Variants in DMXL1 observed in about 807,000 individuals in gnomAD.
The protein encoded by DMXL1 is dmX-like protein 1.
In DMXL1, 99 loss-of-function variants were observed where a neutral mutation model predicts 319.2. That is an observed-to-expected ratio of 0.31 (90% CI 0.26 to 0.37). The LOEUF (loss-of-function observed/expected upper bound fraction) is 0.37, where lower values mean the gene tolerates loss of function less well. Ranked by LOEUF, DMXL1 falls within the 10% of genes least tolerant of loss-of-function variation. The pLI is 1.00. For missense variants in DMXL1, 3,745 were observed against 3,595.6 expected, an observed-to-expected ratio of 1.04 and a Z score of -1.06; for synonymous variants, 1,385 against 1,235.2, an observed-to-expected ratio of 1.12 and a Z score of -2.54.
chr5:119,157,269 G>A (rs747983218), intron 19 of DMXL1, among the ~76,000 whole-genome samples: 12 of 152,080 alleles, frequency 7.9e-5, no homozygotes, highest in Non-Finnish European at 1.3e-4. Flanking sequence ...CCCAATCCAC[G>A]GCTTTTCTCT....
intron 32 of DMXL1, among the ~76,000 whole-genome samples, chr5:119,199,515 G>T (rs1327531803): frequency 4.6e-5 from 7 of 152,120 alleles, no homozygotes; most frequent in African/African-American, 2.4e-5. Flanking sequence ...GAATAATGCT[G>T]CAGCGAACAC....
intron 28 of DMXL1, among the ~76,000 whole-genome samples, chr5:119,187,076 TAAAAA>T: frequency 6.8e-6 from 1 of 147,068 alleles, no homozygotes; most frequent in East Asian, 2.0e-4. Flanking sequence ...AAGTATAATT[TAAAAA>T]AAAAAAAGTG....
At position 119,134,014 on chromosome 5, in the gene DMXL1, A is replaced by T; in HGVS notation, c.2090A>T (p.Asp697Val). ...NKSTVDVAFQ[D>V]PSAVYSELIL... ...AGCACTGTTGACGTGGCATTTCAGG[A>T]TCCCAGTGCAGTTTACAGTGAGCTT... Residue 697 changes from aspartate (D) to valine (V), a missense_variant, in exon 12 of 44, where the codon GAT (aspartate) becomes GTT (valine). Transcript: ENST00000539542. 6.2e-7 allele frequency: 1 copy of T among 1,614,158 alleles called. No homozygotes were observed. The highest frequency in any genetic ancestry group is 1.3e-5 in the African/African-American group (1 of 75,034).
chr5:119,183,636 C>T (rs1777172326), intron 28 of DMXL1, among the ~76,000 whole-genome samples: 3 of 152,000 alleles, frequency 2.0e-5, no homozygotes, highest in Admixed American at 6.5e-5. Context: ...CCACACCTGG[C>T]TAATTTTTGT....
chr5:119,229,405 A>T (rs1357324366), intron 38 of DMXL1, among the ~76,000 whole-genome samples: 1 of 152,194 alleles, frequency 6.6e-6, no homozygotes, highest in Non-Finnish European at 1.5e-5. Context: ...GCACCAATGT[A>T]CTTCTGATAT....
chr5:119,239,510 C>T (rs1190455412), intron 41 of DMXL1, among the ~76,000 whole-genome samples: 2 of 152,166 alleles, frequency 1.3e-5, no homozygotes, highest in Non-Finnish European at 2.9e-5. Flanking sequence ...TTCAGCATCT[C>T]TCCTGTTAAT....
At chr5:119,092,739 C>G (rs1258857749) in intron 1 of DMXL1, among the ~76,000 whole-genome samples, 2 of 152,156 alleles carry the variant, frequency 1.3e-5, no homozygotes, top group Non-Finnish European at 2.9e-5. Context: ...CTTACTGACT[C>G]TATGGATTTG....
chr5:119,127,525 G>A (rs1440897347), intron 9 of DMXL1, among the ~76,000 whole-genome samples: 1 of 152,240 alleles, frequency 6.6e-6, no homozygotes. Flanking sequence ...TGCAACTTCT[G>A]CCTCCTGGCT....
intron 25 of DMXL1, 93 bp downstream of exon 25, chr5:119,172,062 A>C (rs554157344): frequency 1.7e-6 from 2 of 1,190,946 alleles, no homozygotes; most frequent in African/African-American, 3.2e-5. Flanking sequence ...AATTTTAAAC[A>C]TCAGACTAAG....
intron 3 of DMXL1, among the ~76,000 whole-genome samples, chr5:119,103,673 T>A (rs541207315): frequency 6.6e-6 from 1 of 152,334 alleles, no homozygotes; most frequent in Non-Finnish European, 1.5e-5. Flanking sequence ...AATCCACTAT[T>A]TGAGCCTCTT....
At chr5:119,148,690 A>C in intron 17 of DMXL1, 49 bp from the exon 18 acceptor site, 1 of 1,545,444 alleles carries the variant, frequency 6.5e-7, no homozygotes, top group Non-Finnish European at 8.7e-7. Flanking sequence ...TAAAAACAGA[A>C]GTATTTAACC....
At chr5:119,158,336 A>G (rs892056335) in intron 19 of DMXL1, among the ~76,000 whole-genome samples, 8 of 150,998 alleles carry the variant, frequency 5.3e-5, no homozygotes, top group African/African-American at 2.0e-4. Context: ...TGTATCCTTC[A>G]TGTTTAATGT....
chr5:119,141,582 A>C (rs1767351385), intron 13 of DMXL1, among the ~76,000 whole-genome samples: 1 of 152,178 alleles, frequency 6.6e-6, no homozygotes, highest in African/African-American at 2.4e-5. Flanking sequence ...ATTACAAAAC[A>C]TTGCTCAGAT....
intron 28 of DMXL1, chr5:119,178,517 C>T: frequency 6.1e-6 from 4 of 657,224 alleles, no homozygotes; most frequent in South Asian, 1.4e-4. Context: ...TTGAAACACA[C>T]TGTAATATTG....
chr5:119,249,016 G>C lies in DMXL1; in HGVS notation c.*1797G>C, dbSNP rs1790159602. The C allele has an allele frequency of 6.6e-6, 1 of 152,434 alleles. No homozygotes were observed. Among genetic ancestry groups the C allele is most frequent in the Non-Finnish European group, 1.5e-5 (1 of 67,926 alleles). 9.4% of individuals were successfully genotyped at this position (152,434 alleles called of 1,614,324 possible). On this transcript the variant is annotated 3_prime_UTR_variant, in exon 44 of 44. Coordinates refer to ENST00000539542, the MANE Select transcript of DMXL1 (RefSeq NM_001290321.3). ...ATTAGAACAAAAGGTGTTTAAGGAT[G>C]AACTAAATATTTTAATTGAGCATTT...
chr5:119,226,453 G>C (rs1785581629), intron 38 of DMXL1, among the ~76,000 whole-genome samples: 1 of 152,112 alleles, frequency 6.6e-6, no homozygotes. Flanking sequence ...GAACTTTTTA[G>C]AAGTTAGCCT....
intron 27 of DMXL1, among the ~76,000 whole-genome samples, chr5:119,177,705 T>A (rs1042906606): frequency 2.0e-5 from 3 of 152,166 alleles, no homozygotes; most frequent in Admixed American, 1.3e-4. Flanking sequence ...TACCGTTTTT[T>A]AAATCATTTT....
chr5:119,178,223 A>T lies in DMXL1; in HGVS notation c.7114A>T (p.Thr2372Ser), dbSNP rs371234999. 3.3e-5 allele frequency: 53 copies of T among 1,613,504 alleles called. No homozygotes were observed. The highest frequency in any genetic ancestry group is 4.0e-5 in the Non-Finnish European group (47 of 1,179,670). ...GGAHVPSKEQTHSKTLPVSSL... is the reference protein window; with the variant it reads ...GGAHVPSKEQSHSKTLPVSSL... ...TGCACATGTTCCTAGCAAAGAACAGACACATTCAAAAACTTTACCTGGTGA... is the reference window on the plus strand; with the variant it reads ...TGCACATGTTCCTAGCAAAGAACAGTCACATTCAAAAACTTTACCTGGTGA... Residue 2372 changes from threonine to serine, a missense_variant, in exon 28 of 44, where the codon ACA becomes TCA. By Grantham distance (58) the Thr-to-Ser change is moderately conservative. Around this residue, in one of 4 missense-constraint regions of DMXL1, gnomAD observed 1,382 missense variants for 1,269.5 expected, o/e 1.09. Transcript: ENST00000539542.
rs1414268617 is a variant in DMXL1, at chr5:119,134,144, A to G, written c.2220A>G (p.Ala740=). The change falls in exon 12 of 44, where the codon GCA becomes GCG. Residue 740 remains alanine (A), a synonymous_variant. Coordinates refer to ENST00000539542, the MANE Select transcript of DMXL1 (RefSeq NM_001290321.3). ...ATGTTTCTGCCTTTTCCAATGTGGC[A>G]TGGCTGCCCACTCTTATACCCAGTT... is the stretch of plus-strand genomic sequence containing the variant. ...SLHVSAFSNV[A]WLPTLIPSYC... 1 of 1,614,008 alleles carries G rather than the reference A, an allele frequency of 6.2e-7. No individual in the cohort carries two copies. The highest frequency in any genetic ancestry group is 1.1e-5 in the South Asian group (1 of 91,080).
Sources: allele counts gnomAD v4.1 joint callset (sites outside exome capture counted in the v4.1 genomes callset), GRCh38; gene constraint gnomAD v4.1.1; regional missense constraint gnomAD v4.1.1; transcripts MANE v1.5; gene names NCBI Gene and HGNC (gene_info 2026-07-23, HGNC 2026-07-21).